The following CFAP91 variants were observed in gnomAD, a reference collection of about 807,000 sequenced individuals.
CFAP91 encodes the protein cilia and flagella associated protein 91, also known as cilia- and flagella-associated protein 91.
A neutral mutation model predicts 95.9 loss-of-function variants in CFAP91; 85 were observed. The ratio of observed to expected loss-of-function variants is 0.89; its 90% CI spans 0.74 to 1.06. CFAP91 has a LOEUF of 1.06. Ranked by LOEUF, CFAP91 falls within the 50% of genes least tolerant of loss-of-function variation. The pLI, the probability that CFAP91 is intolerant of heterozygous loss-of-function variation, is 0.00. For synonymous variants in CFAP91, 335 were observed against 327.5 expected, an observed-to-expected ratio of 1.02 and a Z score of -0.25; for missense variants, 962 against 943.4, an observed-to-expected ratio of 1.02 and a Z score of -0.26.
intron 5 of CFAP91, among the ~76,000 whole-genome samples, chr3:119,714,948 A>G (rs1273858945): frequency 6.6e-6 from 1 of 152,174 alleles, no homozygotes; most frequent in Non-Finnish European, 1.5e-5. Context: ...TCATTTTTAC[A>G]TTAATTTTTT....
intron 6 of CFAP91, among the ~76,000 whole-genome samples, chr3:119,724,949 A>T (rs1257155478): frequency 3.3e-5 from 5 of 152,176 alleles, no homozygotes; most frequent in African/African-American, 1.2e-4. Context: ...TAGTGAATTC[A>T]TATATTACTT....
At chr3:119,761,047 G>A (rs937292219) in intron 17 of CFAP91, among the ~76,000 whole-genome samples, 2 of 151,618 alleles carry the variant, frequency 1.3e-5, no homozygotes, top group African/African-American at 4.8e-5. Context: ...AAGTGAAATA[G>A]AAACTAGAAA....
At chr3:119,740,886 A>G in intron 13 of CFAP91, 191 bp downstream of exon 13, 1 of 604,544 alleles carries the variant, frequency 1.7e-6, no homozygotes, top group Admixed American at 2.9e-5. Context: ...ATGGAGTTTC[A>G]CTCTATCGCC....
rs770905232 is a variant in CFAP91, at chr3:119,715,555, C to T, written c.501-7C>T. 1 of 1,612,808 alleles carries T rather than the reference C, an allele frequency of 6.2e-7. No homozygotes were observed. The highest frequency in any genetic ancestry group is 1.3e-5 in the African/African-American group (1 of 74,878). The stretch of plus-strand genomic sequence containing the variant: ...TTTCAATTTTTAAACTGATTTTTCT[C>T]TTTTAGGGCAGAACCATACACTTTT... On this transcript the variant is annotated splice_region_variant and splice_polypyrimidine_tract_variant and intron_variant, in intron 5 of 17. Transcript: ENST00000273390.
At chr3:119,731,269 G>A (rs1423489618) in intron 8 of CFAP91, among the ~76,000 whole-genome samples, 2 of 152,072 alleles carry the variant, frequency 1.3e-5, no homozygotes, top group African/African-American at 4.8e-5. Flanking sequence ...TACATGTGCA[G>A]ACTATTTATA....
intron 12 of CFAP91, 184 bp downstream of exon 12, chr3:119,739,510 A>G: frequency 1.8e-6 from 1 of 562,424 alleles, no homozygotes; most frequent in South Asian, 2.4e-5. Flanking sequence ...TCATTTGTCC[A>G]GGTGGGTGGC....
At chr3:119,746,965 T>C in intron 14 of CFAP91, 150 bp from the exon 15 acceptor site, 1 of 566,048 alleles carries the variant, frequency 1.8e-6, no homozygotes, top group Non-Finnish European at 2.9e-6. Context: ...ACTGATGAGA[T>C]GCTAAAGAAA....
chr3:119,731,665 AT>A (rs1015751652), intron 8 of CFAP91, among the ~76,000 whole-genome samples: 3 of 152,170 alleles, frequency 2.0e-5, no homozygotes, highest in Non-Finnish European at 4.4e-5. Flanking sequence ...CTTGTATAAG[AT>A]TTTTACCCCC....
chr3:119,741,159 T>C lies in CFAP91; in HGVS notation c.1680+464T>C, dbSNP rs561306064. On this transcript the variant is annotated intron_variant, in intron 13 of 17. Transcript: ENST00000273390. Reference sequence around the variant, plus strand: ...ATGCTGCTGTAGTCCTTAATTTGATTGGGGATGTGCCCTTACTGATTTGAA... The same window carrying C: ...ATGCTGCTGTAGTCCTTAATTTGATCGGGGATGTGCCCTTACTGATTTGAA... Among the ~76,000 whole-genome samples the C allele has an allele frequency of 1.5e-4, 23 of 152,338 alleles. 1 individual carries two copies. Among genetic ancestry groups the C allele is most frequent in the Admixed American group, 5.9e-4 (9 of 15,300 alleles).
intron 5 of CFAP91, 76 bp downstream of exon 5, chr3:119,709,971 T>A (rs1427425495): frequency 6.4e-6 from 7 of 1,094,132 alleles, no homozygotes; most frequent in African/African-American, 1.6e-5. Flanking sequence ...AGAAGATAGT[T>A]CACTAAATCA....
intron 8 of CFAP91, 78 bp downstream of exon 8, chr3:119,730,455 T>G: frequency 7.0e-7 from 1 of 1,422,282 alleles, no homozygotes; most frequent in Non-Finnish European, 9.6e-7. Flanking sequence ...CTGACTTAAC[T>G]ATGATATAAT....
Position 119,726,189 on chromosome 3 carries a change from G to A in CFAP91, c.701G>A (p.Gly234Glu), listed in dbSNP as rs1199243163. The A allele has an allele frequency of 6.2e-7, 1 of 1,611,820 alleles. No individual in the cohort carries two copies. The highest frequency in any genetic ancestry group is 1.7e-5 in the Admixed American group (1 of 59,780). Reference protein sequence around the residue: ...TLTWGRGLPAGQAEVEMIERA... With the variant: ...TLTWGRGLPAEQAEVEMIERA... ...CCTGCAGGTCGGGGTCTCCCAGCAG[G>A]ACAAGCTGAGGTGGAGATGATAGAA... The change falls in exon 7 of 18, where the codon GGA becomes GAA. Residue 234 changes from glycine to glutamate, a missense_variant. Gly to Glu is a moderately conservative substitution (Grantham distance 98). Transcript: ENST00000273390.
At chr3:119,726,864 C>T (rs560185442) in intron 7 of CFAP91, among the ~76,000 whole-genome samples, 13 of 137,338 alleles carry the variant, frequency 9.5e-5, no homozygotes, top group Admixed American at 9.5e-4. Flanking sequence ...GGATGCCTTG[C>T]GTGCTAGCTA....
chr3:119,708,508 A>G, intron 3 of CFAP91, 83 bp from the exon 4 acceptor site: 1 of 918,966 alleles, frequency 1.1e-6, no homozygotes, highest in Non-Finnish European at 1.7e-6. Flanking sequence ...TGTAGGTCCT[A>G]CTCTATACAC....
intron 13 of CFAP91, 132 bp downstream of exon 13, chr3:119,740,827 G>A (rs2054103576): frequency 1.1e-6 from 1 of 920,376 alleles, no homozygotes; most frequent in Non-Finnish European, 1.6e-6. Context: ...CCATCACTCT[G>A]TCAGCATTTG....
At chr3:119,743,933 T>C (rs1472978147) in intron 13 of CFAP91, 42 bp from the exon 14 acceptor site, 1 of 1,508,828 alleles carries the variant, frequency 6.6e-7, no homozygotes, top group African/African-American at 1.4e-5. Flanking sequence ...TCACCACTCA[T>C]AATGGAATTT....
intron 1 of CFAP91, among the ~76,000 whole-genome samples, chr3:119,703,651 TTTGTTG>T (rs531257802): frequency 6.6e-6 from 1 of 152,158 alleles, no homozygotes; most frequent in South Asian, 2.1e-4. Flanking sequence ...TTTTAGGTTT[TTTGTTG>T]TTGTTGTTGT....
chr3:119,706,595 T>C, intron 1 of CFAP91: 1 of 508,504 alleles, frequency 2.0e-6, no homozygotes, highest in South Asian at 2.9e-5. Context: ...CTTGGAATAC[T>C]CAGAAAAGAA....
intron 4 of CFAP91, among the ~76,000 whole-genome samples, chr3:119,709,027 C>T (rs184961166): frequency 4.2e-4 from 64 of 152,250 alleles, no homozygotes; most frequent in East Asian, 3.9e-3. Context: ...ATCAAATGAA[C>T]GACACACAGT....
Sources: allele counts gnomAD v4.1 joint callset (sites outside exome capture counted in the v4.1 genomes callset), GRCh38; gene constraint gnomAD v4.1.1; transcripts MANE v1.5; gene names NCBI Gene and HGNC (gene_info 2026-07-23, HGNC 2026-07-21).